The following ABCD3 variants were observed in gnomAD, a reference collection of about 807,000 sequenced individuals.
The protein encoded by ABCD3 is ATP-binding cassette sub-family D member 3.
In ABCD3, 41 loss-of-function variants were observed where a neutral mutation model predicts 105.5. The observed-to-expected ratio is 0.39, with a 90% CI of 0.30 to 0.50. The LOEUF (loss-of-function observed/expected upper bound fraction) is 0.50, where lower values mean the gene tolerates loss of function less well. Ranked by LOEUF, ABCD3 falls within the 20% of genes least tolerant of loss-of-function variation. The pLI is 0.84. For synonymous variants in ABCD3, 258 were observed against 269.0 expected (o/e 0.96, Z 0.40); for missense variants, 622 against 806.3 (o/e 0.77, Z 2.77).
intron 1 of ABCD3, among the ~76,000 whole-genome samples, chr1:94,453,207 G>C (rs377334522): frequency 2.4e-4 from 37 of 152,178 alleles, no homozygotes; most frequent in African/African-American, 8.9e-4. Flanking sequence ...CGTTTGGTTT[G>C]GTTCTTTTTT....
chr1:94,476,999 G>C (rs775830621), intron 7 of ABCD3, among the ~76,000 whole-genome samples: 19 of 151,834 alleles, frequency 1.3e-4, no homozygotes, highest in Non-Finnish European at 2.5e-4. Flanking sequence ...ACATTATTAT[G>C]TATTCTTTAA....
At chr1:94,443,978 C>A (rs909499802) in intron 1 of ABCD3, among the ~76,000 whole-genome samples, 8 of 151,904 alleles carry the variant, frequency 5.3e-5, no homozygotes, top group Non-Finnish European at 5.9e-5. Context: ...CAAAATTAAA[C>A]TTTTAGTGTA....
intron 1 of ABCD3, among the ~76,000 whole-genome samples, chr1:94,448,621 C>T (rs1660448577): frequency 6.6e-6 from 1 of 152,220 alleles, no homozygotes; most frequent in African/African-American, 2.4e-5. Context: ...ATATGTGGTT[C>T]ATTCCACACA....
In ABCD3 at chr1:94,478,323, T is replaced by C; in HGVS notation, c.684+8T>C. 5.0e-6 allele frequency: 8 copies of C among 1,591,764 alleles called. No individual in the cohort carries two copies. Among genetic ancestry groups the C allele is most frequent in the Non-Finnish European group, 6.9e-6 (8 of 1,161,966 alleles). On this transcript the variant is annotated splice_region_variant and intron_variant, in intron 8 of 22. Coordinates refer to ENST00000370214, the MANE Select transcript of ABCD3 (RefSeq NM_002858.4). The stretch of plus-strand genomic sequence containing the variant: ...AGTGCAATTGGAGCTCAGGTGAGTC[T>C]GCTTTTATTTCAACTTTTAAATTGA...
chr1:94,499,181 A>C, intron 19 of ABCD3, 147 bp downstream of exon 19: 1 of 815,482 alleles, frequency 1.2e-6, no homozygotes, highest in Non-Finnish European at 2.0e-6. Flanking sequence ...CTGAGGTAAG[A>C]TGTTAATCCC....
intron 4 of ABCD3, among the ~76,000 whole-genome samples, 194 bp from the exon 5 acceptor site, chr1:94,473,572 C>T (rs1648591253): frequency 6.6e-6 from 1 of 151,886 alleles, no homozygotes; most frequent in African/African-American, 2.4e-5. Flanking sequence ...GGATGAGGTT[C>T]CAGCAAGTTC....
rs556318157 is a variant in ABCD3, at chr1:94,478,352, A to G, written c.684+37A>G. 1.4e-4 allele frequency: 212 copies of G among 1,486,876 alleles called. 3 individuals carry two copies. The South Asian group carries it at 2.3e-3, about 16-fold the overall frequency. 92.1% of individuals were successfully genotyped at this position (1,486,876 alleles called of 1,614,324 possible). On this transcript the variant is annotated intron_variant, in intron 8 of 22. Transcript: ENST00000370214. ...TTTATTTCAACTTTTAAATTGATAT[A>G]ATATAATATTTGAAATACATATTGT...
chr1:94,398,196 A>G, the ABCD3 span, among the ~76,000 whole-genome samples: 1 of 151,140 alleles, frequency 6.6e-6, no homozygotes, highest in African/African-American at 2.4e-5. Flanking sequence ...TATATCATCT[A>G]TCAATCAATC....
At chr1:94,406,489 G>A in the ABCD3 span, 512 of 413,424 alleles carry the variant, frequency 1.2e-3, 3 homozygotes, top group African/African-American at 1.0e-2. Flanking sequence ...ACAGGCTGGC[G>A]CTTCAGTTGA....
At chr1:94,439,102 C>T (rs1399518181) in intron 1 of ABCD3, among the ~76,000 whole-genome samples, 2 of 152,144 alleles carry the variant, frequency 1.3e-5, no homozygotes, top group Non-Finnish European at 1.5e-5. Context: ...AGGAAGAGCT[C>T]ATGGAACAAT....
chr1:94,385,506 C>T, the ABCD3 span, among the ~76,000 whole-genome samples: 1 of 152,206 alleles, frequency 6.6e-6, no homozygotes, highest in Non-Finnish European at 1.5e-5. Context: ...GCACAGAGCA[C>T]TTACCACCTG....
the ABCD3 span, among the ~76,000 whole-genome samples, chr1:94,409,267 TACC>T: frequency 3.3e-3 from 505 of 152,310 alleles, 5 homozygotes; most frequent in Non-Finnish European, 1.9e-3. Context: ...CAACGATGAA[TACC>T]ACATTTACCC....
intron 2 of ABCD3, among the ~76,000 whole-genome samples, chr1:94,462,364 T>C (rs901773217): frequency 6.6e-6 from 1 of 152,194 alleles, no homozygotes; most frequent in African/African-American, 2.4e-5. Flanking sequence ...GTTACTCTTA[T>C]TTAGATTGGT....
the ABCD3 span, among the ~76,000 whole-genome samples, chr1:94,412,611 A>C: frequency 6.6e-6 from 1 of 152,228 alleles, no homozygotes; most frequent in South Asian, 2.1e-4. Context: ...TTATGTGAGA[A>C]TACATCTGCA....
At chr1:94,500,452 A>G (rs539273003) in intron 20 of ABCD3, among the ~76,000 whole-genome samples, 1 of 152,222 alleles carries the variant, frequency 6.6e-6, no homozygotes, top group African/African-American at 2.4e-5. Flanking sequence ...AAAAATAAAT[A>G]AATAAATAAA....
intron 10 of ABCD3, among the ~76,000 whole-genome samples, chr1:94,484,682 T>C (rs1649198994): frequency 6.6e-6 from 1 of 152,144 alleles, no homozygotes; most frequent in South Asian, 2.1e-4. Flanking sequence ...ATATACCTAA[T>C]GTAAATGACG....
chr1:94,513,822 G>A (rs1337584395), intron 21 of ABCD3: 2 of 151,930 alleles, frequency 1.3e-5, no homozygotes, highest in Non-Finnish European at 2.9e-5. Context: ...TATCTTAAAT[G>A]AGCTCTGAAA....
chr1:94,459,770 C>A (rs191212727), intron 2 of ABCD3, among the ~76,000 whole-genome samples: 41 of 152,264 alleles, frequency 2.7e-4, no homozygotes, highest in African/African-American at 9.6e-4. Context: ...TTCCTTATTA[C>A]CCTCTTCCCC....
At chr1:94,430,701 G>C (rs1344004239) in intron 1 of ABCD3, among the ~76,000 whole-genome samples, 1 of 152,058 alleles carries the variant, frequency 6.6e-6, no homozygotes, top group African/African-American at 2.4e-5. Flanking sequence ...TCCAGTCTTA[G>C]GTATGTTTTT....
Sources: allele counts gnomAD v4.1 joint callset (sites outside exome capture counted in the v4.1 genomes callset), GRCh38; gene constraint gnomAD v4.1.1; transcripts MANE v1.5; gene names NCBI Gene and HGNC (gene_info 2026-07-23, HGNC 2026-07-21).